Variants in NDRG1 observed in about 807,000 individuals in gnomAD.
The protein encoded by NDRG1 is N-myc downstream regulated 1.
Under a neutral mutation model 56.9 loss-of-function variants are expected in NDRG1, and 32 were observed. The ratio of observed to expected loss-of-function variants is 0.56; its 90% CI spans 0.42 to 0.76. NDRG1 has a LOEUF of 0.76. Ranked by LOEUF, NDRG1 falls within the 30% of genes least tolerant of loss-of-function variation. The pLI is 0.00. For synonymous variants in NDRG1, 211 were observed against 204.1 expected (o/e 1.03, Z -0.29); for missense variants, 507 against 545.7 (o/e 0.93, Z 0.71).
intron 3 of NDRG1, among the ~76,000 whole-genome samples, chr8:133,276,585 T>C (rs759242990): frequency 1.3e-5 from 2 of 152,200 alleles, no homozygotes; most frequent in Non-Finnish European, 2.9e-5. Context: ...AGAGATCTCA[T>C]GGTTTTATAA....
At chr8:133,289,396 T>C (rs116738279) in intron 1 of NDRG1, among the ~76,000 whole-genome samples, 1 of 152,138 alleles carries the variant, frequency 6.6e-6, no homozygotes, top group African/African-American at 2.4e-5. Context: ...TCTGTGAGGA[T>C]GTGGCCTGGG....
At chr8:133,250,267 C>T (rs1007795490) in intron 10 of NDRG1, among the ~76,000 whole-genome samples, 173 bp downstream of exon 10, 2 of 152,306 alleles carry the variant, frequency 1.3e-5, no homozygotes, top group Admixed American at 6.5e-5. Flanking sequence ...CAGGAACCAG[C>T]TTACAGGCCA....
chr8:133,262,956 T>C (rs902682591), intron 4 of NDRG1, among the ~76,000 whole-genome samples: 2 of 152,184 alleles, frequency 1.3e-5, no homozygotes, highest in African/African-American at 4.8e-5. Flanking sequence ...AATTGCCAAA[T>C]AGAACATGTC....
chr8:133,294,553 C>A (rs1033480467), intron 1 of NDRG1, among the ~76,000 whole-genome samples: 1 of 152,162 alleles, frequency 6.6e-6, no homozygotes. Context: ...CAGCTTTGGG[C>A]CACCCGAAAA....
intron 1 of NDRG1, among the ~76,000 whole-genome samples, chr8:133,294,704 A>C (rs983684203): frequency 5.3e-5 from 8 of 151,856 alleles, no homozygotes; most frequent in Admixed American, 3.3e-4. Context: ...GTCAAAGGCC[A>C]ACTCAGGGGG....
At chr8:133,274,216 C>T (rs879935668) in intron 3 of NDRG1, among the ~76,000 whole-genome samples, 5 of 152,200 alleles carry the variant, frequency 3.3e-5, no homozygotes, top group Non-Finnish European at 7.3e-5. Flanking sequence ...CTCTGGCAGG[C>T]GAGCTGTCTC....
At chr8:133,274,569 G>C (rs181132208) in intron 3 of NDRG1, among the ~76,000 whole-genome samples, 5 of 152,328 alleles carry the variant, frequency 3.3e-5, no homozygotes, top group Non-Finnish European at 5.9e-5. Flanking sequence ...TAAATGAATA[G>C]ATAAAATTCA....
In NDRG1 at chr8:133,242,057, C is replaced by T. The variant is rs776138133; in HGVS notation, c.909G>A (p.Glu303=). ...TGCCCTGCACGAAGTACTTGAAGGC[C>T]TCAGCGAGCTTGGCCGGCTGCGAGA... The part of the protein sequence containing the change: ...PQISQPAKLA[E]AFKYFVQGMG... Residue 303 remains glutamate, a synonymous_variant, in exon 15 of 16, where the codon GAG becomes GAA. Coordinates refer to ENST00000323851, the MANE Select transcript of NDRG1 (RefSeq NM_006096.4). 6.2e-7 allele frequency: 1 copy of T among 1,614,206 alleles called. No homozygotes were observed. Among genetic ancestry groups the T allele is most frequent in the Non-Finnish European group, 8.5e-7 (1 of 1,180,038 alleles).
At chr8:133,284,653 A>G (rs1279932496) in intron 1 of NDRG1, 1 of 464,810 alleles carries the variant, frequency 2.2e-6, no homozygotes, top group Admixed American at 2.5e-5. Context: ...CATACCCAGG[A>G]TGCAGCTCAC....
chr8:133,292,991 G>A (rs1858509663), intron 1 of NDRG1, among the ~76,000 whole-genome samples: 1 of 152,340 alleles, frequency 6.6e-6, no homozygotes, highest in African/African-American at 2.4e-5. Context: ...AAAGATCTGG[G>A]TCAAAGAGAC....
intron 13 of NDRG1, among the ~76,000 whole-genome samples, chr8:133,246,000 G>A (rs1005292906): frequency 3.3e-5 from 5 of 152,198 alleles, no homozygotes; most frequent in Admixed American, 6.5e-5. Flanking sequence ...CGAGGGAGCC[G>A]CCTCATCTCC....
At chr8:133,284,532 G>T (rs987888577) in intron 1 of NDRG1, among the ~76,000 whole-genome samples, 1 of 152,132 alleles carries the variant, frequency 6.6e-6, no homozygotes, top group Admixed American at 6.5e-5. Flanking sequence ...TGGGGCCAGC[G>T]CAGTGGATTT....
chr8:133,244,531 C>T (rs1463595386), intron 13 of NDRG1, 141 bp from the exon 14 acceptor site: 11 of 978,468 alleles, frequency 1.1e-5, no homozygotes, highest in African/African-American at 8.1e-5. Flanking sequence ...ACAGGGTGGA[C>T]CGTGGGTAGG....
At chr8:133,271,017 T>C (rs1049542332) in intron 3 of NDRG1, among the ~76,000 whole-genome samples, 2 of 152,152 alleles carry the variant, frequency 1.3e-5, no homozygotes, top group African/African-American at 2.4e-5. Flanking sequence ...GCTCCAGAGA[T>C]GATTAGTGTG....
rs1299466791 is a variant in NDRG1 at position 133,238,959 on chromosome 8, C to T, written c.1104G>A (p.Glu368=). ...EGTRSRSHTS[E]GAHLDITPNS... Reference sequence around the variant, plus strand: ...TGGGGGTGATGTCCAGGTGGGCCCCCTCGCTGGTGTGCGAGCGGCTGCGGG... The same window carrying T: ...TGGGGGTGATGTCCAGGTGGGCCCCTTCGCTGGTGTGCGAGCGGCTGCGGG... The change falls in exon 16 of 16, where the codon GAG becomes GAA. Residue 368 remains glutamate, a synonymous_variant. Transcript: ENST00000323851. The T allele has an allele frequency of 6.3e-7, 1 of 1,580,600 alleles. No homozygotes were observed. The highest frequency in any genetic ancestry group is 2.3e-5 in the East Asian group (1 of 43,606).
chr8:133,276,106 G>T (rs1414664606), intron 3 of NDRG1, among the ~76,000 whole-genome samples: 2 of 152,162 alleles, frequency 1.3e-5, no homozygotes, highest in Admixed American at 6.5e-5. Flanking sequence ...AGCCCAGGCT[G>T]GTGCACAATG....
intron 5 of NDRG1, among the ~76,000 whole-genome samples, chr8:133,261,264 C>G (rs1215313011): frequency 6.6e-6 from 1 of 152,108 alleles, no homozygotes; most frequent in African/African-American, 2.4e-5. Flanking sequence ...CGCCACCACG[C>G]CCAGCTCATT....
At chr8:133,243,520 C>T (rs1855497227) in intron 14 of NDRG1, among the ~76,000 whole-genome samples, 1 of 152,194 alleles carries the variant, frequency 6.6e-6, no homozygotes, top group South Asian at 2.1e-4. Flanking sequence ...ATACACCCAA[C>T]CTGCAACGGC....
chr8:133,238,769 G>A lies in NDRG1; in HGVS notation c.*109C>T. The stretch of plus-strand genomic sequence containing the variant: ...GCTCACTCTTACAAAATAAGCTTTG[G>A]ATTAATACCGAGTTAGGCGCAGTAT... On this transcript the variant is annotated 3_prime_UTR_variant, in exon 16 of 16. Transcript: ENST00000323851. The A allele has an allele frequency of 1.6e-6, 2 of 1,287,740 alleles. No homozygotes were observed. Among genetic ancestry groups the A allele is most frequent in the Non-Finnish European group, 2.1e-6 (2 of 951,136 alleles). 79.8% of individuals were successfully genotyped at this position (1,287,740 alleles called of 1,614,324 possible).
Sources: allele counts gnomAD v4.1 joint callset (sites outside exome capture counted in the v4.1 genomes callset), GRCh38; gene constraint gnomAD v4.1.1; transcripts MANE v1.5; gene names NCBI Gene and HGNC (gene_info 2026-07-23, HGNC 2026-07-21).